FRMD8: variants seen among roughly 807,000 people sequenced by gnomAD.
FRMD8 encodes the protein FERM domain containing 8, also known as FERM domain-containing protein 8.
FRMD8 carries 37 observed loss-of-function variants against 54.2 expected under a neutral mutation model. That is an observed-to-expected ratio of 0.68 (90% confidence interval 0.53 to 0.90). FRMD8 has a LOEUF of 0.90. Among genes scored for constraint, FRMD8 ranks in the 40% least tolerant of loss-of-function variants. The probability of loss-of-function intolerance (pLI) is 0.00; values close to 1 mark genes in which losing one functional copy is unlikely to be tolerated. For missense variants in FRMD8, 585 were observed against 653.7 expected (o/e 0.89, Z 1.15); for synonymous variants, 246 against 286.9 (o/e 0.86, Z 1.44).
Position 65,411,398 on chromosome 11 carries a change from C to T in FRMD8, c.*38C>T. 1 of 1,407,624 alleles carries T rather than the reference C, an allele frequency of 7.1e-7. No individual in the cohort carries two copies. Among genetic ancestry groups the T allele is most frequent in the East Asian group, 2.5e-5 (1 of 39,700 alleles). 87.2% of individuals were successfully genotyped at this position (1,407,624 alleles called of 1,614,324 possible). The stretch of plus-strand genomic sequence containing the variant: ...CGGCAGGAGGAGGGCGACTGGGGGC[C>T]CTGGCCCGGCACTGTCCTCCTGAGG... On this transcript the variant is annotated 3_prime_UTR_variant, in exon 11 of 11. Transcript: ENST00000317568.
the FRMD8 span, chr11:65,379,469 C>T: frequency 6.2e-7 from 1 of 1,614,108 alleles, no homozygotes; most frequent in Non-Finnish European, 8.5e-7. Context: ...CCGTGAGCAC[C>T]AGCAGGGTGT....
chr11:65,408,316 C>G (rs1247569483), intron 10 of FRMD8, among the ~76,000 whole-genome samples: 1 of 152,004 alleles, frequency 6.6e-6, no homozygotes, highest in African/African-American at 2.4e-5. Flanking sequence ...TCAGGTGATC[C>G]GCCCGCCTTG....
intron 10 of FRMD8, among the ~76,000 whole-genome samples, chr11:65,409,393 A>C (rs1334923875): frequency 2.0e-5 from 3 of 152,160 alleles, no homozygotes; most frequent in African/African-American, 7.2e-5. Context: ...GGCCGATTGC[A>C]AATTTTTACG....
In FRMD8 at chr11:65,399,098, C is replaced by T. The variant is rs547291155; in HGVS notation, c.804-638C>T. Among the ~76,000 whole-genome samples the T allele has an allele frequency of 2.6e-4, 40 of 151,744 alleles. No individual in the cohort carries two copies. In the East Asian group the frequency reaches 5.8e-3, roughly 22 times the overall value. ...CTGCGAGCTCCGCCTCCCAGGTTCA[C>T]GCCATTTTCCTGCCTCAGCCTCCGG... is the stretch of plus-strand genomic sequence containing the variant. On this transcript the variant is annotated intron_variant, in intron 7 of 10. Coordinates refer to ENST00000317568, the MANE Select transcript of FRMD8 (RefSeq NM_031904.5).
chr11:65,403,905 C>T (rs750697332), intron 9 of FRMD8, among the ~76,000 whole-genome samples: 1 of 152,198 alleles, frequency 6.6e-6, no homozygotes, highest in African/African-American at 2.4e-5. Context: ...AGGACTCTGT[C>T]CCCACCGGCT....
At chr11:65,380,631 C>T in the FRMD8 span, 3 of 1,290,804 alleles carry the variant, frequency 2.3e-6, no homozygotes, top group Non-Finnish European at 3.0e-6. Flanking sequence ...AACTGCAGGG[C>T]CCTGATGGGG....
the FRMD8 span, chr11:65,377,440 G>A: frequency 1.9e-6 from 2 of 1,056,822 alleles, no homozygotes; most frequent in Non-Finnish European, 2.3e-6. Context: ...GGTGGGCAGG[G>A]CCAAGTGAAG....
chr11:65,396,128 C>G (rs1157235516), intron 6 of FRMD8, among the ~76,000 whole-genome samples: 1 of 152,160 alleles, frequency 6.6e-6, no homozygotes, highest in Non-Finnish European at 1.5e-5. Context: ...TCTTTCCCTT[C>G]GGCTCCTATG....
chr11:65,376,642 G>A, the FRMD8 span: 1 of 1,614,028 alleles, frequency 6.2e-7, no homozygotes, highest in Non-Finnish European at 8.5e-7. Context: ...AGCAATGCCT[G>A]CAAAGCCCCC....
the FRMD8 span, chr11:65,377,902 G>A: frequency 6.6e-6 from 1 of 152,306 alleles, no homozygotes. Context: ...TTGCTTGTTT[G>A]TTTTGTGACA....
chr11:65,398,776 C>G (rs1206345371), intron 7 of FRMD8, among the ~76,000 whole-genome samples: 1 of 152,194 alleles, frequency 6.6e-6, no homozygotes, highest in Admixed American at 6.5e-5. Context: ...GGCTGGCCAT[C>G]AGCTGAGCTT....
chr11:65,377,861 C>G, the FRMD8 span: 1 of 152,278 alleles, frequency 6.6e-6, no homozygotes, highest in Non-Finnish European at 1.5e-5. Flanking sequence ...CATGTCAAGG[C>G]TAGCCTGTCT....
upstream of FRMD8, among the ~76,000 whole-genome samples, chr11:65,385,104 A>T (rs1032067102): frequency 6.6e-6 from 1 of 152,046 alleles, no homozygotes; most frequent in Non-Finnish European, 1.5e-5. Flanking sequence ...CCATCCCCTG[A>T]CCTAGCACAA....
intron 10 of FRMD8, among the ~76,000 whole-genome samples, chr11:65,406,935 C>T (rs1355439254): frequency 6.6e-6 from 1 of 150,758 alleles, no homozygotes; most frequent in East Asian, 2.0e-4. Context: ...AACGAAACTC[C>T]GTCTCAAATA....
chr11:65,389,624 G>A (rs1372929613), intron 3 of FRMD8, 96 bp downstream of exon 3: 13 of 1,243,712 alleles, frequency 1.0e-5, no homozygotes, highest in African/African-American at 3.0e-5. Context: ...CTGGGGAGCC[G>A]CTGGCCACTG....
In FRMD8 at chr11:65,389,546, G is replaced by A. The variant is rs183893280; in HGVS notation, c.253+18G>A. The A allele has an allele frequency of 2.4e-5, 37 of 1,554,370 alleles. No individual in the cohort carries two copies. In the Admixed American group the frequency reaches 5.9e-4, roughly 25 times the overall value. On this transcript the variant is annotated intron_variant, in intron 3 of 10. Transcript: ENST00000317568. Reference sequence around the variant, plus strand: ...TCTGCTGGGTAAGGCTTGGCAGTGAGGAGCCCAGGCTGGAGGGTTGGAAGG... The same window carrying A: ...TCTGCTGGGTAAGGCTTGGCAGTGAAGAGCCCAGGCTGGAGGGTTGGAAGG...
intron 10 of FRMD8, 33 bp downstream of exon 10, chr11:65,405,101 A>G (rs1565612237): frequency 6.3e-7 from 1 of 1,591,830 alleles, no homozygotes; most frequent in Non-Finnish European, 8.6e-7. Context: ...TGCACACACA[A>G]ACACGCATGC....
At position 65,394,415 on chromosome 11, in the gene FRMD8, T is replaced by G. The variant is rs1428312434; in HGVS notation, c.571T>G (p.Cys191Gly). The G allele has an allele frequency of 6.4e-7, 1 of 1,567,812 alleles. No individual in the cohort carries two copies. The highest frequency in any genetic ancestry group is 8.6e-7 in the Non-Finnish European group (1 of 1,159,316). Residue 191 changes from cysteine (C) to glycine (G), a missense_variant, in exon 6 of 11, where the codon TGC becomes GGC. Physicochemically the swap from Cys to Gly is radical, Grantham distance 159. Coordinates refer to ENST00000317568, the MANE Select transcript of FRMD8 (RefSeq NM_031904.5). ...GPYQPGRPAA[C>G]DLREKLDSFL... ...CTACCAGCCCGGCCGGCCGGCAGCC[T>G]GCGACCTGAGGTGAGGGCCTGTGTG...
At position 65,386,670 on chromosome 11, in the gene FRMD8, G is replaced by T. The variant is rs538373112; in HGVS notation, c.-92G>T. ...CCGGTCAGCTGCGTCCTTAGCGGGAGCCCGAGTGCGGGCGGTGGCGGGCTT... is the reference window on the plus strand; with the variant it reads ...CCGGTCAGCTGCGTCCTTAGCGGGATCCCGAGTGCGGGCGGTGGCGGGCTT... On this transcript the variant is annotated 5_prime_UTR_variant, in exon 1 of 11. Coordinates refer to ENST00000317568, the MANE Select transcript of FRMD8 (RefSeq NM_031904.5). 547 of 268,952 alleles carry T rather than the reference G, an allele frequency of 2.0e-3. 6 individuals carry two copies. The highest frequency in any genetic ancestry group is 0.011 in the African/African-American group (503 of 45,138). 16.7% of individuals were successfully genotyped at this position (268,952 alleles called of 1,614,324 possible).
Sources: allele counts gnomAD v4.1 joint callset (sites outside exome capture counted in the v4.1 genomes callset), GRCh38; gene constraint gnomAD v4.1.1; transcripts MANE v1.5; gene names NCBI Gene and HGNC (gene_info 2026-07-23, HGNC 2026-07-21).